ASPRV1: variants seen among roughly 807,000 people sequenced by gnomAD.
ASPRV1 encodes the protein aspartic peptidase retroviral like 1.
Under a neutral mutation model 11.0 loss-of-function variants are expected in ASPRV1, and 7 were observed. That is an observed-to-expected ratio of 0.64 (90% CI 0.36 to 1.20). The LOEUF (loss-of-function observed/expected upper bound fraction) is 1.20. Ranked by LOEUF, ASPRV1 falls within the 50% of genes most tolerant of loss-of-function variation. ASPRV1 has a pLI of 0.02. For synonymous variants in ASPRV1, 136 were observed against 138.4 expected, an observed-to-expected ratio of 0.98 and a Z score of 0.12; for missense variants, 299 against 320.0, an observed-to-expected ratio of 0.93 and a Z score of 0.50.
the ASPRV1 span, among the ~76,000 whole-genome samples, chr2:69,983,122 T>A: frequency 6.6e-6 from 1 of 152,182 alleles, no homozygotes; most frequent in South Asian, 2.1e-4. Flanking sequence ...TTTCACCATG[T>A]TGGCCAGGTC....
the ASPRV1 span, among the ~76,000 whole-genome samples, chr2:69,983,729 T>A: frequency 6.6e-6 from 1 of 152,204 alleles, no homozygotes; most frequent in Non-Finnish European, 1.5e-5. Context: ...GGGATTCTCA[T>A]GTGCGGTGGT....
the ASPRV1 span, chr2:69,998,247 G>A: frequency 6.6e-6 from 1 of 152,044 alleles, no homozygotes; most frequent in Admixed American, 6.6e-5. Flanking sequence ...GGGTAGTGGG[G>A]ACATAGTGAA....
the ASPRV1 span, among the ~76,000 whole-genome samples, chr2:70,044,827 T>C: frequency 6.6e-6 from 1 of 152,158 alleles, no homozygotes; most frequent in African/African-American, 2.4e-5. Context: ...CCAGCTCCAG[T>C]ACATGCAGTG....
the ASPRV1 span, among the ~76,000 whole-genome samples, chr2:69,995,727 T>G: frequency 1.3e-5 from 2 of 152,040 alleles, no homozygotes; most frequent in South Asian, 4.1e-4. Context: ...CAGGGGCAAT[T>G]GTCCCAAGGT....
chr2:69,997,682 T>G, the ASPRV1 span, among the ~76,000 whole-genome samples: 5 of 152,086 alleles, frequency 3.3e-5, no homozygotes, highest in Non-Finnish European at 7.4e-5. Context: ...CATGGCCACC[T>G]CCAGCCCGAT....
the ASPRV1 span, among the ~76,000 whole-genome samples, chr2:70,065,223 A>AAG: frequency 1.3e-5 from 2 of 151,784 alleles, no homozygotes; most frequent in East Asian, 3.9e-4. Flanking sequence ...CCTGGCTAAC[A>AAG]CGGTGAAATC....
the ASPRV1 span, among the ~76,000 whole-genome samples, chr2:70,011,217 C>A: frequency 1.3e-5 from 2 of 151,780 alleles, no homozygotes; most frequent in Non-Finnish European, 2.9e-5. Flanking sequence ...ACCCCTGTGA[C>A]ACGAGTTTAA....
the ASPRV1 span, chr2:69,941,144 TAAA>T: frequency 6.6e-6 from 1 of 152,110 alleles, no homozygotes; most frequent in African/African-American, 2.4e-5. Context: ...AAGTTGATTT[TAAA>T]AAACTAAAAA....
chr2:70,025,240 T>C, the ASPRV1 span, among the ~76,000 whole-genome samples: 2 of 152,096 alleles, frequency 1.3e-5, no homozygotes, highest in Non-Finnish European at 2.9e-5. Context: ...AATATTTTAA[T>C]GATAGAAAGA....
chr2:70,007,961 G>C, the ASPRV1 span, among the ~76,000 whole-genome samples: 1 of 151,824 alleles, frequency 6.6e-6, no homozygotes, highest in African/African-American at 2.4e-5. Flanking sequence ...TCAGTCTCCC[G>C]AGTAGCTGGG....
the ASPRV1 span, among the ~76,000 whole-genome samples, chr2:70,021,709 C>CT: frequency 8.3e-3 from 1,117 of 134,714 alleles, 10 homozygotes; most frequent in African/African-American, 0.024. Context: ...TAAGAGAATA[C>CT]TTTTTTTTTT....
upstream of ASPRV1, chr2:69,963,515 G>A (rs1043062500): frequency 2.2e-6 from 1 of 447,108 alleles, no homozygotes; most frequent in Non-Finnish European, 4.6e-6. Flanking sequence ...AAGTGGAAAT[G>A]AGTGAGGAGG....
chr2:70,002,189 T>C, the ASPRV1 span, among the ~76,000 whole-genome samples: 1 of 152,182 alleles, frequency 6.6e-6, no homozygotes, highest in African/African-American at 2.4e-5. Flanking sequence ...TACCCCCACC[T>C]TTCCATCTAC....
the ASPRV1 span, among the ~76,000 whole-genome samples, chr2:70,038,854 G>A: frequency 8.7e-4 from 132 of 152,192 alleles, 1 homozygote; most frequent in Non-Finnish European, 1.7e-3. Context: ...CGAGGTGGGC[G>A]GATCACCTGA....
At chr2:70,018,579 T>A in the ASPRV1 span, among the ~76,000 whole-genome samples, 1 of 151,944 alleles carries the variant, frequency 6.6e-6, no homozygotes, top group African/African-American at 2.4e-5. Context: ...AACAGACACA[T>A]AGACTAAAGG....
the ASPRV1 span, among the ~76,000 whole-genome samples, chr2:69,989,509 G>A: frequency 5.3e-5 from 8 of 152,204 alleles, no homozygotes; most frequent in African/African-American, 1.9e-4. Flanking sequence ...GTGTGCCCAG[G>A]AGGCCCTGGG....
chr2:70,084,871 T>C, the ASPRV1 span, among the ~76,000 whole-genome samples: 1 of 152,218 alleles, frequency 6.6e-6, no homozygotes, highest in African/African-American at 2.4e-5. Context: ...TATGTACCTA[T>C]TAAATGTTCG....
At chr2:69,969,066 G>C in the ASPRV1 span, among the ~76,000 whole-genome samples, 3 of 152,142 alleles carry the variant, frequency 2.0e-5, no homozygotes, top group Non-Finnish European at 4.4e-5. Context: ...ACCACTTGTT[G>C]CCTTCCTTGA....
Position 69,961,062 on chromosome 2 carries a change from G to A in ASPRV1, c.375C>T (p.Phe125=). Residue 125 remains phenylalanine (F), a synonymous_variant, in exon 1 of 1, where the codon TTC becomes TTT. Transcript: ENST00000320256. ...KGKIGKVPVR[F]LVDSGAQVSV... ...AGACCTGGGCCCCAGAGTCCACCAG[G>A]AACCTCACGGGCACTTTGCCAATCT... The A allele has an allele frequency of 6.2e-7, 1 of 1,613,874 alleles. No individual in the cohort carries two copies. The highest frequency in any genetic ancestry group is 1.1e-5 in the South Asian group (1 of 91,054).
Sources: gnomAD v4.1 joint callset for allele counts (sites outside exome capture counted in the v4.1 genomes callset) on GRCh38, gnomAD v4.1.1 for gene constraint, MANE v1.5 for transcripts, NCBI Gene and HGNC (gene_info 2026-07-23, HGNC 2026-07-21) for gene names.